The following MACROD2 variants were observed in gnomAD, a reference collection of about 807,000 sequenced individuals.
The protein encoded by MACROD2 is mono-ADP ribosylhydrolase 2, also known as ADP-ribose glycohydrolase MACROD2.
A neutral mutation model predicts 70.4 loss-of-function variants in MACROD2; 36 were observed. That is an observed-to-expected ratio of 0.51 (90% CI 0.39 to 0.68). The LOEUF (loss-of-function observed/expected upper bound fraction) is 0.68. MACROD2 is among the 30% of genes least tolerant of loss of function. The pLI is 0.00. For missense variants in MACROD2, 496 were observed against 538.4 expected (o/e 0.92, Z 0.78); for synonymous variants, 172 against 178.8 (o/e 0.96, Z 0.30).
intron 3 of MACROD2, among the ~76,000 whole-genome samples, chr20:14,480,124 C>T (rs1022984250): frequency 2.0e-5 from 3 of 152,152 alleles, no homozygotes; most frequent in Non-Finnish European, 2.9e-5. Flanking sequence ...AAGCAATCCT[C>T]CTGCCTCAGC....
chr20:15,054,000 G>T (rs933652475), intron 5 of MACROD2, among the ~76,000 whole-genome samples: 93 of 152,308 alleles, frequency 6.1e-4, no homozygotes, highest in Non-Finnish European at 1.6e-4. Context: ...AATAGCAAGA[G>T]AACTTGAATT....
At chr20:15,798,243 G>A (rs1444090663) in intron 8 of MACROD2, among the ~76,000 whole-genome samples, 2 of 152,196 alleles carry the variant, frequency 1.3e-5, no homozygotes, top group Admixed American at 6.5e-5. Flanking sequence ...GTCCCACAAT[G>A]TCTGGGGCTT....
chr20:15,757,914 A>C (rs1000352270), intron 8 of MACROD2, among the ~76,000 whole-genome samples: 31 of 152,290 alleles, frequency 2.0e-4, no homozygotes, highest in African/African-American at 7.5e-4. Flanking sequence ...TCAACATAAG[A>C]ATTTTGGGAG....
At chr20:14,052,326 C>T (rs2148649707) in intron 2 of MACROD2, among the ~76,000 whole-genome samples, 1 of 152,246 alleles carries the variant, frequency 6.6e-6, no homozygotes, top group South Asian at 2.1e-4. Flanking sequence ...AGGTACACAG[C>T]ATGCTGACAT....
intron 10 of MACROD2, among the ~76,000 whole-genome samples, chr20:15,890,787 AG>A (rs1169399053): frequency 2.0e-5 from 3 of 152,158 alleles, no homozygotes; most frequent in Non-Finnish European, 4.4e-5. Flanking sequence ...ATGAGAAATG[AG>A]TCGCCATAGC....
At chr20:14,974,043 GT>G (rs2074715964) in intron 5 of MACROD2, among the ~76,000 whole-genome samples, 1 of 152,196 alleles carries the variant, frequency 6.6e-6, no homozygotes, top group Non-Finnish European at 1.5e-5. Context: ...ACCTGGAAGA[GT>G]TTGGAAATTG....
intron 6 of MACROD2, among the ~76,000 whole-genome samples, chr20:15,238,720 G>A (rs1440943059): frequency 2.0e-5 from 3 of 152,108 alleles, no homozygotes; most frequent in Non-Finnish European, 2.9e-5. Flanking sequence ...ATATTCTGCA[G>A]ATGTAAGTCT....
At chr20:14,956,983 C>T (rs2074542251) in intron 5 of MACROD2, among the ~76,000 whole-genome samples, 1 of 152,100 alleles carries the variant, frequency 6.6e-6, no homozygotes, top group Admixed American at 6.5e-5. Context: ...TGATATTTTC[C>T]TCTAAGCTAA....
intron 3 of MACROD2, among the ~76,000 whole-genome samples, chr20:14,158,748 A>G (rs111992340): frequency 3.9e-5 from 6 of 152,030 alleles, no homozygotes; most frequent in Non-Finnish European, 5.9e-5. Context: ...TGGATTATCT[A>G]TTTTGTTCCA....
chr20:15,397,531 C>G (rs1403643942), intron 6 of MACROD2, among the ~76,000 whole-genome samples: 1 of 152,134 alleles, frequency 6.6e-6, no homozygotes, highest in Non-Finnish European at 1.5e-5. Flanking sequence ...ATCTCCTGGA[C>G]TCAAGTGATC....
At chr20:14,779,345 G>C (rs941432813) in intron 5 of MACROD2, among the ~76,000 whole-genome samples, 3 of 152,178 alleles carry the variant, frequency 2.0e-5, no homozygotes, top group Non-Finnish European at 2.9e-5. Context: ...CCTTTTACCT[G>C]CAAAAGGTAA....
chr20:14,466,846 G>A (rs1600268789), intron 3 of MACROD2, among the ~76,000 whole-genome samples: 1 of 152,062 alleles, frequency 6.6e-6, no homozygotes, highest in Non-Finnish European at 1.5e-5. Context: ...CTGCAGAACA[G>A]CAGATATTGG....
intron 2 of MACROD2, among the ~76,000 whole-genome samples, chr20:14,083,504 G>A (rs1290234046): frequency 1.3e-5 from 2 of 152,098 alleles, no homozygotes; most frequent in East Asian, 3.9e-4. Context: ...ACTTACAGTG[G>A]TTTACAAACT....
chr20:14,618,616 C>A (rs1983618881), intron 4 of MACROD2, among the ~76,000 whole-genome samples: 1 of 152,130 alleles, frequency 6.6e-6, no homozygotes, highest in Non-Finnish European at 1.5e-5. Flanking sequence ...TGGAACTTGA[C>A]AAGCTCCTCT....
chr20:15,317,753 G>T (rs868611996), intron 6 of MACROD2, among the ~76,000 whole-genome samples: 2 of 150,336 alleles, frequency 1.3e-5, no homozygotes, highest in Admixed American at 6.6e-5. Context: ...AAGCAGAAGG[G>T]TTTCTTTTTA....
chr20:14,798,361 C>T (rs981870241), intron 5 of MACROD2, among the ~76,000 whole-genome samples: 3 of 151,984 alleles, frequency 2.0e-5, no homozygotes, highest in Non-Finnish European at 1.5e-5. Flanking sequence ...TATAATTTCT[C>T]AACATGGATT....
chr20:16,049,159 G>A (rs1039219949), intron 17 of MACROD2, among the ~76,000 whole-genome samples: 1 of 151,914 alleles, frequency 6.6e-6, no homozygotes, highest in African/African-American at 2.4e-5. Flanking sequence ...GCAGGAGTGG[G>A]GTAGTAGGGA....
intron 8 of MACROD2, among the ~76,000 whole-genome samples, chr20:15,627,380 G>A (rs200761): frequency 0.5 from 76,342 of 151,928 alleles, 20,981 homozygotes; most frequent in African/African-American, 0.75. Context: ...TAAAGACCAC[G>A]GCATTGCGGT....
At chr20:15,164,830 G>T (rs2076372430) in intron 5 of MACROD2, among the ~76,000 whole-genome samples, 1 of 152,158 alleles carries the variant, frequency 6.6e-6, no homozygotes, top group Admixed American at 6.5e-5. Flanking sequence ...GGTCCCAAGA[G>T]TTAGGGGCTG....
Sources: gnomAD v4.1 joint callset for allele counts (sites outside exome capture counted in the v4.1 genomes callset) on GRCh38, gnomAD v4.1.1 for gene constraint, MANE v1.5 for transcripts, NCBI Gene and HGNC (gene_info 2026-07-23, HGNC 2026-07-21) for gene names.